FBXL20: variants seen among roughly 807,000 people sequenced by gnomAD.
FBXL20 encodes F-box/LRR-repeat protein 20.
In FBXL20, 11 loss-of-function variants were observed where a neutral mutation model predicts 64.0. That is an observed-to-expected ratio of 0.17 (90% CI 0.11 to 0.28). FBXL20 has a LOEUF of 0.28. Among genes scored for constraint, FBXL20 ranks in the 10% least tolerant of loss-of-function variants. The probability of loss-of-function intolerance (pLI) is 1.00; values close to 1 mark genes in which losing one functional copy is unlikely to be tolerated. For synonymous variants in FBXL20, 184 were observed against 189.0 expected (o/e 0.97, Z 0.22); for missense variants, 303 against 526.2 (o/e 0.58, Z 4.15).
At chr17:39,341,218 T>C (rs2144567288) in intron 2 of FBXL20, among the ~76,000 whole-genome samples, 1 of 152,260 alleles carries the variant, frequency 6.6e-6, no homozygotes, top group South Asian at 2.1e-4. Context: ...CAACATTAAG[T>C]TCAGAATTGG....
At chr17:39,267,830 A>G (rs763590658) in intron 12 of FBXL20, among the ~76,000 whole-genome samples, 45 of 152,220 alleles carry the variant, frequency 3.0e-4, no homozygotes, top group Non-Finnish European at 5.9e-4. Flanking sequence ...GAAGGGACAT[A>G]GAGGACACTC....
intron 1 of FBXL20, among the ~76,000 whole-genome samples, chr17:39,352,966 TAAAG>T (rs1359935504): frequency 6.6e-6 from 1 of 152,150 alleles, no homozygotes; most frequent in African/African-American, 2.4e-5. Context: ...GGAGAGTACT[TAAAG>T]AGAGAGGTTA....
In FBXL20 at chr17:39,292,430, T is replaced by C. The variant is rs986492363; in HGVS notation, c.398+4697A>G. ...TGTGGTCTTGATAGGTTGCCCAGGCTTGAGTGCAGTGGCTATTAACAGGCA... is the reference window on the plus strand; with the variant it reads ...TGTGGTCTTGATAGGTTGCCCAGGCCTGAGTGCAGTGGCTATTAACAGGCA... On this transcript the variant is annotated intron_variant, in intron 6 of 14. Coordinates refer to ENST00000264658, the MANE Select transcript of FBXL20 (RefSeq NM_032875.3). Among the ~76,000 whole-genome samples the C allele has an allele frequency of 1.5e-4, 23 of 151,348 alleles. 1 individual carries two copies. Among genetic ancestry groups the C allele is most frequent in the Non-Finnish European group, 2.6e-4 (18 of 67,982 alleles).
intron 1 of FBXL20, among the ~76,000 whole-genome samples, chr17:39,393,063 C>T (rs1309189891): frequency 3.3e-5 from 5 of 151,198 alleles, no homozygotes; most frequent in Admixed American, 6.6e-5. Flanking sequence ...CCAAGGCGGG[C>T]GGATCACCTG....
At chr17:39,392,438 C>CAAAAAAAAAAAAAAAAAAAAAAAAAA (rs67507209) in intron 1 of FBXL20, among the ~76,000 whole-genome samples, 1 of 104,004 alleles carries the variant, frequency 9.6e-6, no homozygotes, top group Non-Finnish European at 2.2e-5. Context: ...AGATTGTCTC[C>CAAAAAAAAAAAAAAAAAAAAAAAAAA]AAAAAAAAAA....
intron 10 of FBXL20, among the ~76,000 whole-genome samples, chr17:39,272,109 G>A (rs972655967): frequency 2.0e-5 from 3 of 151,996 alleles, no homozygotes; most frequent in Non-Finnish European, 2.9e-5. Context: ...AATTCTGTCC[G>A]GGCGCGGTGA....
At chr17:39,334,949 G>A (rs1243371694) in intron 2 of FBXL20, among the ~76,000 whole-genome samples, 1 of 152,164 alleles carries the variant, frequency 6.6e-6, no homozygotes, top group East Asian at 1.9e-4. Context: ...ATTAAAGAAT[G>A]TGTAAGCAAA....
At chr17:39,320,073 C>T (rs2047340520) in intron 2 of FBXL20, among the ~76,000 whole-genome samples, 1 of 152,166 alleles carries the variant, frequency 6.6e-6, no homozygotes, top group South Asian at 2.1e-4. Context: ...TCTGTCCCTA[C>T]AAACAACATA....
chr17:39,267,710 A>G (rs571796378), intron 12 of FBXL20, among the ~76,000 whole-genome samples: 1 of 152,086 alleles, frequency 6.6e-6, no homozygotes, highest in South Asian at 2.1e-4. Flanking sequence ...TTCTTCTCCA[A>G]CTCTGAGTTT....
intron 1 of FBXL20, among the ~76,000 whole-genome samples, chr17:39,346,245 G>A (rs935072235): frequency 1.3e-5 from 2 of 151,974 alleles, no homozygotes; most frequent in East Asian, 1.9e-4. Context: ...GGGTGCTGGG[G>A]TGGGAGGATC....
Position 39,299,097 on chromosome 17 carries a change from A to G in FBXL20, c.235-13T>C. 4 of 1,578,158 alleles carry G rather than the reference A, an allele frequency of 2.5e-6. No homozygotes were observed. Among genetic ancestry groups the G allele is most frequent in the Non-Finnish European group, 3.5e-6 (4 of 1,155,488 alleles). Reference sequence around the variant, plus strand: ...CCACTACTCGGCCCTGTAAAATGAGACAGGCAAACAAAAAGATAACCCACC... The same window carrying G: ...CCACTACTCGGCCCTGTAAAATGAGGCAGGCAAACAAAAAGATAACCCACC... On this transcript the variant is annotated splice_polypyrimidine_tract_variant and intron_variant, in intron 4 of 14. Transcript: ENST00000264658.
At chr17:39,392,965 C>T (rs1200489662) in intron 1 of FBXL20, among the ~76,000 whole-genome samples, 2 of 151,048 alleles carry the variant, frequency 1.3e-5, no homozygotes, top group African/African-American at 4.9e-5. Context: ...CGCACTCCAT[C>T]CTGGACAACA....
intron 1 of FBXL20, among the ~76,000 whole-genome samples, chr17:39,346,333 C>T (rs1333171440): frequency 5.3e-5 from 8 of 150,704 alleles, no homozygotes; most frequent in Non-Finnish European, 1.5e-5. Flanking sequence ...AGAGTGAGAT[C>T]CTGTCTCAAA....
intron 2 of FBXL20, among the ~76,000 whole-genome samples, chr17:39,329,195 GACAA>G (rs1383969882): frequency 6.6e-6 from 1 of 152,150 alleles, no homozygotes; most frequent in Non-Finnish European, 1.5e-5. Context: ...CCAGTAAGAG[GACAA>G]ACAGACATCC....
rs2046773090 is a variant in FBXL20, at chr17:39,264,304, C to G, written c.1074G>C (p.Val358=). Residue 358 remains valine, a synonymous_variant, in exon 14 of 15, where the codon GTG becomes GTC. Coordinates refer to ENST00000264658, the MANE Select transcript of FBXL20 (RefSeq NM_032875.3). ...TTAGTGGGCAGTTGTCCAGCTCAAT[C>G]ACCTCCAGCTGGTCATGGGCGCAGG... ...NGACAHDQLE[V]IELDNCPLIT... is the part of the protein sequence containing the mutation. 6.2e-7 allele frequency: 1 copy of G among 1,614,226 alleles called. No homozygotes were observed.
At chr17:39,315,569 G>T (rs1002035532) in intron 2 of FBXL20, among the ~76,000 whole-genome samples, 4 of 151,854 alleles carry the variant, frequency 2.6e-5, no homozygotes, top group Middle Eastern at 3.4e-3. Flanking sequence ...ATACGTCGGA[G>T]TCCAAGCAGA....
In FBXL20 at chr17:39,319,942, T is replaced by C. The variant is rs565701727; in HGVS notation, c.105-16303A>G. 6.6e-5 allele frequency among the ~76,000 whole-genome samples: 10 copies of C among 152,220 alleles called. 1 individual carries two copies. The East Asian group carries it at 1.9e-3, about 29-fold the overall frequency. Reference sequence around the variant, plus strand: ...TTTTACTAAGTCTAATACTGTGTATTACACTTACTTTGACGGGCTGATTTT... The same window carrying C: ...TTTTACTAAGTCTAATACTGTGTATCACACTTACTTTGACGGGCTGATTTT... On this transcript the variant is annotated intron_variant, in intron 2 of 14. Coordinates refer to ENST00000264658, the MANE Select transcript of FBXL20 (RefSeq NM_032875.3).
chr17:39,402,078 GC>G, upstream of FBXL20: 1 of 1,104,216 alleles, frequency 9.1e-7, no homozygotes, highest in Non-Finnish European at 1.1e-6. Context: ...CTCAGCCTCT[GC>G]CCGCGCCCGT....
intron 2 of FBXL20, among the ~76,000 whole-genome samples, chr17:39,332,770 T>C (rs1054888881): frequency 6.6e-5 from 10 of 152,152 alleles, no homozygotes; most frequent in Admixed American, 6.5e-4. Flanking sequence ...CCCGATCTCC[T>C]GACCTCATGA....
Sources: allele counts gnomAD v4.1 joint callset (sites outside exome capture counted in the v4.1 genomes callset), GRCh38; gene constraint gnomAD v4.1.1; transcripts MANE v1.5; gene names NCBI Gene and HGNC (gene_info 2026-07-23, HGNC 2026-07-21).